LRP1B: variants seen among roughly 807,000 people sequenced by gnomAD.
LRP1B encodes LDL receptor related protein 1B, also known as low-density lipoprotein receptor-related protein 1B.
In LRP1B, 217 loss-of-function variants were observed where a neutral mutation model predicts 556.6. The ratio of observed to expected loss-of-function variants is 0.39; its 90% CI spans 0.35 to 0.44. LRP1B has a LOEUF of 0.44. LRP1B is among the 20% of genes least tolerant of loss of function. The pLI is 1.00. For missense variants in LRP1B, 5,053 were observed against 5,620.8 expected (o/e 0.90, Z 3.23); for synonymous variants, 2,047 against 1,865.8 (o/e 1.10, Z -2.50).
intron 8 of LRP1B, among the ~76,000 whole-genome samples, chr2:141,061,249 T>C (rs951112213): frequency 9.2e-5 from 14 of 151,708 alleles, no homozygotes; most frequent in African/African-American, 3.1e-4. Context: ...AGGATTTCAT[T>C]TTAAAAGCTG....
chr2:140,590,608 C>T (rs62171946), intron 43 of LRP1B, among the ~76,000 whole-genome samples: 31,027 of 151,724 alleles, frequency 0.2, 3,493 homozygotes, highest in Admixed American at 0.28. Flanking sequence ...TCCCCATGCA[C>T]ATCAAGGGAA....
intron 74 of LRP1B, among the ~76,000 whole-genome samples, 179 bp from the exon 75 acceptor site, chr2:140,356,655 A>C (rs1209286783): frequency 6.6e-6 from 1 of 151,830 alleles, no homozygotes; most frequent in East Asian, 1.9e-4. Context: ...TAGAAGTATA[A>C]AAACTAAACT....
intron 2 of LRP1B, among the ~76,000 whole-genome samples, chr2:141,748,307 G>T (rs980634406): frequency 6.6e-6 from 1 of 152,048 alleles, no homozygotes; most frequent in Non-Finnish European, 1.5e-5. Context: ...ATATATAAAA[G>T]GCCTAGATTA....
intron 3 of LRP1B, among the ~76,000 whole-genome samples, chr2:141,380,394 G>A (rs1261283937): frequency 1.3e-5 from 2 of 152,198 alleles, no homozygotes; most frequent in Non-Finnish European, 1.5e-5. Flanking sequence ...GAACAAGCAT[G>A]TAGGCACTTG....
intron 2 of LRP1B, among the ~76,000 whole-genome samples, chr2:141,533,411 T>C (rs571242079): frequency 1.2e-4 from 19 of 152,298 alleles, no homozygotes; most frequent in Non-Finnish European, 1.8e-4. Flanking sequence ...TCACATCTTT[T>C]CATGAGAACT....
At chr2:141,632,790 C>T (rs1330793123) in intron 2 of LRP1B, among the ~76,000 whole-genome samples, 1 of 149,552 alleles carries the variant, frequency 6.7e-6, no homozygotes, top group Admixed American at 6.7e-5. Context: ...TAGTCTAGAA[C>T]TGTGCCAATT....
chr2:141,724,887 TAA>T (rs951621295), intron 2 of LRP1B, among the ~76,000 whole-genome samples: 17 of 151,968 alleles, frequency 1.1e-4, no homozygotes, highest in African/African-American at 2.2e-4. Context: ...AAAATTACAT[TAA>T]GTTACATTAA....
At chr2:140,262,111 G>A (rs1366880580) in intron 86 of LRP1B, among the ~76,000 whole-genome samples, 1 of 151,848 alleles carries the variant, frequency 6.6e-6, no homozygotes. Flanking sequence ...ACAAAAATAT[G>A]GACTTTCAAA....
At chr2:141,219,520 G>A (rs1037938223) in intron 6 of LRP1B, among the ~76,000 whole-genome samples, 2 of 152,214 alleles carry the variant, frequency 1.3e-5, no homozygotes, top group African/African-American at 4.8e-5. Flanking sequence ...TTTCCTGTCT[G>A]CTGGCAGTCC....
At chr2:140,894,715 G>A (rs1165398697) in intron 23 of LRP1B, among the ~76,000 whole-genome samples, 2 of 152,046 alleles carry the variant, frequency 1.3e-5, no homozygotes, top group African/African-American at 2.4e-5. Flanking sequence ...TTGGGAAGCC[G>A]AGACAGGAGG....
At chr2:140,305,968 T>A (rs1684046516) in intron 83 of LRP1B, among the ~76,000 whole-genome samples, 1 of 151,524 alleles carries the variant, frequency 6.6e-6, no homozygotes, top group Non-Finnish European at 1.5e-5. Context: ...TTGATTTGCG[T>A]ATGTTAAACC....
At chr2:141,046,370 A>G (rs1698870376) in intron 11 of LRP1B, among the ~76,000 whole-genome samples, 1 of 152,264 alleles carries the variant, frequency 6.6e-6, no homozygotes, top group South Asian at 2.1e-4. Flanking sequence ...TTCTGATGCC[A>G]AGAATGACAA....
chr2:140,828,507 G>A (rs922599962), intron 31 of LRP1B, among the ~76,000 whole-genome samples: 1 of 143,966 alleles, frequency 6.9e-6, no homozygotes, highest in East Asian at 2.0e-4. Context: ...TACTCGGGAG[G>A]CTGAGGCAGG....
intron 23 of LRP1B, among the ~76,000 whole-genome samples, chr2:140,887,259 C>T (rs1693664081): frequency 6.6e-6 from 1 of 152,100 alleles, no homozygotes; most frequent in South Asian, 2.1e-4. Flanking sequence ...CAGGATTTAG[C>T]ATTTTTAAAA....
At chr2:140,501,535 A>G in intron 55 of LRP1B, 152 bp downstream of exon 55, 1 of 470,524 alleles carries the variant, frequency 2.1e-6, no homozygotes, top group Non-Finnish European at 3.6e-6. Context: ...ATATCACACT[A>G]CTATTATGGT....
At chr2:140,766,850 A>ATATATATATTATATATATAT (rs1268646127) in intron 35 of LRP1B, among the ~76,000 whole-genome samples, 2 of 51,340 alleles carry the variant, frequency 3.9e-5, no homozygotes, top group African/African-American at 9.2e-5. Flanking sequence ...TATATTATAT[A>ATATATATATTATATATATAT]TATATATATA....
intron 2 of LRP1B, among the ~76,000 whole-genome samples, chr2:141,561,621 T>C (rs929407154): frequency 6.6e-6 from 1 of 151,864 alleles, no homozygotes; most frequent in Non-Finnish European, 1.5e-5. Flanking sequence ...CTAAATGTCT[T>C]TGTTTAAACA....
At chr2:141,032,502 C>T (rs964174996) in intron 11 of LRP1B, among the ~76,000 whole-genome samples, 2 of 151,920 alleles carry the variant, frequency 1.3e-5, no homozygotes, top group Non-Finnish European at 2.9e-5. Flanking sequence ...TACATATTAT[C>T]AATCTTTCAT....
At chr2:140,476,141 T>C (rs1224954070) in intron 59 of LRP1B, among the ~76,000 whole-genome samples, 1 of 152,070 alleles carries the variant, frequency 6.6e-6, no homozygotes, top group East Asian at 1.9e-4. Context: ...GCAGATTACT[T>C]AGACGTTTTT....
Sources: gnomAD v4.1 joint callset for allele counts (sites outside exome capture counted in the v4.1 genomes callset) on GRCh38, gnomAD v4.1.1 for gene constraint, MANE v1.5 for transcripts, NCBI Gene and HGNC (gene_info 2026-07-23, HGNC 2026-07-21) for gene names.